SGCD: variants seen among roughly 807,000 people sequenced by gnomAD.
The protein encoded by SGCD is delta-sarcoglycan.
A neutral mutation model predicts 36.6 loss-of-function variants in SGCD; 18 were observed. That is an observed-to-expected ratio of 0.49 (90% CI 0.34 to 0.73). SGCD has a LOEUF of 0.73. SGCD is among the 30% of genes least tolerant of loss of function. The pLI is 0.01. For synonymous variants in SGCD, 133 were observed against 130.6 expected (o/e 1.02, Z -0.12); for missense variants, 387 against 346.7 (o/e 1.12, Z -0.92).
chr5:156,677,554 G>A (rs970402978), intron 7 of SGCD, among the ~76,000 whole-genome samples: 2 of 152,116 alleles, frequency 1.3e-5, no homozygotes, highest in Non-Finnish European at 2.9e-5. Flanking sequence ...TTGGGGGAGG[G>A]GGAGGGATAG....
At chr5:156,113,060 T>G (rs1761824984) in intron 1 of SGCD, among the ~76,000 whole-genome samples, 1 of 151,930 alleles carries the variant, frequency 6.6e-6, no homozygotes. Context: ...GCATAGCAAA[T>G]AAAAGAAAAC....
the SGCD span, among the ~76,000 whole-genome samples, chr5:155,743,271 G>C: frequency 1.4e-4 from 21 of 152,160 alleles, no homozygotes; most frequent in Non-Finnish European, 2.9e-4. Context: ...GCACAACAAA[G>C]TCTCATTAGA....
At chr5:156,031,567 C>A (rs1227889727) in intron 1 of SGCD, among the ~76,000 whole-genome samples, 1 of 152,120 alleles carries the variant, frequency 6.6e-6, no homozygotes, top group East Asian at 1.9e-4. Context: ...TCTTATTATT[C>A]TTACCAAATT....
intron 1 of SGCD, among the ~76,000 whole-genome samples, chr5:155,967,663 T>A (rs191983340): frequency 6.6e-6 from 1 of 152,256 alleles, no homozygotes; most frequent in Admixed American, 6.5e-5. Flanking sequence ...GTTTCTTTAA[T>A]GTTCTTAACC....
intron 3 of SGCD, among the ~76,000 whole-genome samples, chr5:156,470,867 G>A (rs561086873): frequency 7.2e-5 from 11 of 152,240 alleles, no homozygotes; most frequent in East Asian, 1.9e-4. Context: ...AACGTACTGC[G>A]TAACTTACTA....
At chr5:156,387,416 G>A (rs1455768906) in intron 3 of SGCD, among the ~76,000 whole-genome samples, 3 of 152,104 alleles carry the variant, frequency 2.0e-5, no homozygotes, top group Non-Finnish European at 1.5e-5. Flanking sequence ...GGTGCCTCAG[G>A]GAATGCTAAA....
intron 4 of SGCD, among the ~76,000 whole-genome samples, chr5:156,543,250 C>A (rs1289435510): frequency 6.6e-6 from 1 of 152,188 alleles, no homozygotes; most frequent in Non-Finnish European, 1.5e-5. Flanking sequence ...CCCCCATATA[C>A]ACTAGTCATG....
chr5:156,642,887 ACTTCTT>A (rs1763088127), intron 6 of SGCD, among the ~76,000 whole-genome samples: 1 of 151,970 alleles, frequency 6.6e-6, no homozygotes, highest in Non-Finnish European at 1.5e-5. Context: ...GCAAAACTTC[ACTTCTT>A]TAGGAAACTT....
chr5:156,383,866 G>A lies in SGCD; in HGVS notation c.192+39189G>A, dbSNP rs1771128086. Among the ~76,000 whole-genome samples the A allele has an allele frequency of 2.6e-5, 4 of 152,164 alleles. 1 individual carries two copies. The highest frequency in any genetic ancestry group is 2.0e-4 in the Admixed American group (3 of 15,282). The stretch of plus-strand genomic sequence containing the variant: ...GATGTAGTAATTTGCTTGTTTTTAG[G>A]GGCAGTCATCAGAATATATGTATAT... On this transcript the variant is annotated intron_variant, in intron 3 of 8. Coordinates refer to ENST00000337851, the MANE Select transcript of SGCD (RefSeq NM_000337.6).
At chr5:156,716,310 A>G (rs958137029) in intron 7 of SGCD, among the ~76,000 whole-genome samples, 2 of 152,178 alleles carry the variant, frequency 1.3e-5, no homozygotes, top group Non-Finnish European at 2.9e-5. Context: ...CCACTGTCTT[A>G]TTATCCCATT....
intron 3 of SGCD, among the ~76,000 whole-genome samples, chr5:156,246,435 GT>G (rs1554086964): frequency 1.3e-5 from 2 of 151,946 alleles, no homozygotes; most frequent in Non-Finnish European, 2.9e-5. Flanking sequence ...AAAGAATAAG[GT>G]TATAGATTTT....
intron 6 of SGCD, among the ~76,000 whole-genome samples, chr5:156,619,545 A>G (rs979221154): frequency 2.0e-5 from 3 of 152,214 alleles, no homozygotes; most frequent in Non-Finnish European, 4.4e-5. Context: ...CTTCAATGTC[A>G]AGATCTAGCT....
chr5:155,769,371 C>CA, the SGCD span, among the ~76,000 whole-genome samples: 1,393 of 83,172 alleles, frequency 0.017, 8 homozygotes, highest in African/African-American at 0.046. Flanking sequence ...TAGAAACAGC[C>CA]AAAAAAAAAA....
At chr5:155,728,994 A>G in the SGCD span, among the ~76,000 whole-genome samples, 1 of 152,226 alleles carries the variant, frequency 6.6e-6, no homozygotes, top group African/African-American at 2.4e-5. Context: ...CCCAGGGGTG[A>G]GTAGGCCGCT....
intron 3 of SGCD, among the ~76,000 whole-genome samples, chr5:156,286,570 A>G (rs1358638141): frequency 6.6e-6 from 1 of 152,222 alleles, no homozygotes; most frequent in African/African-American, 2.4e-5. Context: ...AAACTATTGC[A>G]AGGACAATAA....
chr5:156,171,099 G>A (rs1006825539), intron 3 of SGCD, among the ~76,000 whole-genome samples: 7 of 152,036 alleles, frequency 4.6e-5, no homozygotes, highest in African/African-American at 1.7e-4. Flanking sequence ...TTGGACATTG[G>A]AAATATACAT....
intron 3 of SGCD, among the ~76,000 whole-genome samples, chr5:156,194,181 G>A (rs1391846326): frequency 2.0e-5 from 3 of 152,120 alleles, no homozygotes; most frequent in Non-Finnish European, 4.4e-5. Context: ...TTCAGGGCCA[G>A]CCTGGGCAAC....
At chr5:156,145,952 G>A (rs916788341) in intron 3 of SGCD, among the ~76,000 whole-genome samples, 1 of 152,166 alleles carries the variant, frequency 6.6e-6, no homozygotes, top group African/African-American at 2.4e-5. Flanking sequence ...GGTGGCTCAT[G>A]CCTGTAATAC....
intron 1 of SGCD, among the ~76,000 whole-genome samples, chr5:156,327,947 CAT>C (rs1767886475): frequency 1.3e-5 from 2 of 152,260 alleles, no homozygotes; most frequent in South Asian, 2.1e-4. Context: ...TTTTAGGAAA[CAT>C]AGATAATAAA....
Sources: allele counts gnomAD v4.1 joint callset (sites outside exome capture counted in the v4.1 genomes callset), GRCh38; gene constraint gnomAD v4.1.1; transcripts MANE v1.5; gene names NCBI Gene and HGNC (gene_info 2026-07-23, HGNC 2026-07-21).